The following GPATCH8 variants were observed in gnomAD, a reference collection of about 807,000 sequenced individuals.
GPATCH8 encodes the protein G patch domain-containing protein 8.
A neutral mutation model predicts 118.3 loss-of-function variants in GPATCH8; 18 were observed. That is an observed-to-expected ratio of 0.15 (90% CI 0.11 to 0.23). GPATCH8 has a LOEUF of 0.23. Among genes scored for constraint, GPATCH8 ranks in the 10% least tolerant of loss-of-function variants. GPATCH8 has a pLI of 1.00. For synonymous variants in GPATCH8, 659 were observed against 684.7 expected (o/e 0.96, Z 0.59); for missense variants, 1,631 against 1,873.8 (o/e 0.87, Z 2.39).
At chr17:44,437,016 T>C (rs937791610) in intron 3 of GPATCH8, among the ~76,000 whole-genome samples, 3 of 152,224 alleles carry the variant, frequency 2.0e-5, no homozygotes, top group Admixed American at 2.0e-4. Flanking sequence ...AGTAAAACTT[T>C]ATAATTACAA....
chr17:44,414,792 A>G (rs926250536), intron 6 of GPATCH8, among the ~76,000 whole-genome samples: 2 of 152,144 alleles, frequency 1.3e-5, no homozygotes, highest in Admixed American at 6.6e-5. Context: ...TTCTGTCTCT[A>G]TACATTTGTT....
chr17:44,462,320 T>C (rs1383636706), intron 3 of GPATCH8, among the ~76,000 whole-genome samples: 1 of 152,214 alleles, frequency 6.6e-6, no homozygotes. Flanking sequence ...TCTGACCTTC[T>C]TCTAAAACAA....
intron 3 of GPATCH8, among the ~76,000 whole-genome samples, chr17:44,458,201 T>G (rs1303939642): frequency 6.7e-6 from 1 of 149,078 alleles, no homozygotes; most frequent in Non-Finnish European, 1.5e-5. Context: ...CAGTGAGCTA[T>G]GATTATGCCA....
chr17:44,500,477 T>C (rs965317111), intron 1 of GPATCH8, among the ~76,000 whole-genome samples: 2 of 152,226 alleles, frequency 1.3e-5, no homozygotes, highest in Non-Finnish European at 2.9e-5. Context: ...GGCATACCAC[T>C]GTTAACTATA....
At chr17:44,480,287 TA>T (rs941123520) in intron 1 of GPATCH8, among the ~76,000 whole-genome samples, 3 of 150,816 alleles carry the variant, frequency 2.0e-5, no homozygotes, top group African/African-American at 2.4e-5. Context: ...AAATGGCATT[TA>T]AAAAAAAATG....
rs1251802733 is a variant in GPATCH8, at chr17:44,453,839, CA to C, written c.193+10632del. On this transcript the variant is annotated intron_variant, in intron 3 of 7. Transcript: ENST00000591680. ...TGAGCCATCGTGCCCAGCCTAGTTA[CA>C]GTTTTTAAACTATTCCTGGAGACCT... is the stretch of plus-strand genomic sequence containing the variant. Among the ~76,000 whole-genome samples the C allele has an allele frequency of 2.6e-5, 4 of 152,010 alleles. 1 individual carries two copies. The East Asian group carries it at 7.8e-4, about 30-fold the overall frequency.
intron 3 of GPATCH8, among the ~76,000 whole-genome samples, chr17:44,443,595 C>G (rs2050775257): frequency 6.6e-6 from 1 of 152,168 alleles, no homozygotes; most frequent in South Asian, 2.1e-4. Context: ...TTATCCAGTA[C>G]TACAAAAACC....
At chr17:44,420,031 C>T (rs996744638) in intron 6 of GPATCH8, among the ~76,000 whole-genome samples, 1 of 147,550 alleles carries the variant, frequency 6.8e-6, no homozygotes, top group African/African-American at 2.6e-5. Context: ...CAAACTTGTA[C>T]TACATGGTTT....
Position 44,395,539 on chromosome 17 carries a change from T to C in GPATCH8, c.*2029A>G, listed in dbSNP as rs1567912247. The C allele has an allele frequency of 3.3e-5, 15 of 454,380 alleles. No individual in the cohort carries two copies. The highest frequency in any genetic ancestry group is 6.2e-5 in the Non-Finnish European group (14 of 226,800). The allele number at this position is 454,380 out of a possible 1,614,324, so 28.1% of individuals were successfully genotyped here. On this transcript the variant is annotated 3_prime_UTR_variant, in exon 8 of 8. Coordinates refer to ENST00000591680, the MANE Select transcript of GPATCH8 (RefSeq NM_001002909.4). ...GTTAATACTGTATTATTTATTTACA[T>C]GGGCTGAAAGCAAAGAAAAATGAGT...
chr17:44,503,399 C>T lies in GPATCH8; in HGVS notation c.-29G>A. The T allele has an allele frequency of 1.3e-6, 2 of 1,588,650 alleles. No homozygotes were observed. Among genetic ancestry groups the T allele is most frequent in the Non-Finnish European group, 1.7e-6 (2 of 1,164,990 alleles). Reference sequence around the variant, plus strand: ...GCCGCCTTCACTCCTCTCAGGACGACGCTCTCCGGTTCGCTCCTTCCCTCC... The same window carrying T: ...GCCGCCTTCACTCCTCTCAGGACGATGCTCTCCGGTTCGCTCCTTCCCTCC... On this transcript the variant is annotated 5_prime_UTR_variant, in exon 1 of 8. Transcript: ENST00000591680.
At chr17:44,425,129 GA>G (rs1361745001) in intron 5 of GPATCH8, among the ~76,000 whole-genome samples, 1 of 152,120 alleles carries the variant, frequency 6.6e-6, no homozygotes. Flanking sequence ...AAGGAAAAAA[GA>G]GAAAACAATT....
chr17:44,492,297 C>CCAA (rs1969307351), intron 1 of GPATCH8, among the ~76,000 whole-genome samples: 1 of 76,242 alleles, frequency 1.3e-5, no homozygotes, highest in African/African-American at 5.3e-5. Context: ...TGAGACGTCT[C>CCAA]AAAAAAAAAA....
At chr17:44,453,500 G>GGTGTGTGTGTGTGTGTGTGT (rs56962134) in intron 3 of GPATCH8, among the ~76,000 whole-genome samples, 79 of 142,758 alleles carry the variant, frequency 5.5e-4, no homozygotes, top group African/African-American at 2.0e-3. Flanking sequence ...GGTAGGTAGG[G>GGTGTGTGTGTGTGTGTGTGT]GTGTGTGTGT....
chr17:44,478,065 A>C (rs1175617279), intron 1 of GPATCH8, among the ~76,000 whole-genome samples: 1 of 152,090 alleles, frequency 6.6e-6, no homozygotes, highest in African/African-American at 2.4e-5. Context: ...ACCTCAAGTG[A>C]TCTGCCCGCC....
chr17:44,417,416 G>A (rs1432023631), intron 6 of GPATCH8, among the ~76,000 whole-genome samples: 1 of 152,068 alleles, frequency 6.6e-6, no homozygotes, highest in Non-Finnish European at 1.5e-5. Flanking sequence ...ACCGGGTTTT[G>A]CCATGTTGCC....
At chr17:44,486,415 G>A (rs1301554711) in intron 1 of GPATCH8, 1 of 152,080 alleles carries the variant, frequency 6.6e-6, no homozygotes, top group Non-Finnish European at 1.5e-5. Flanking sequence ...GCCCATTAAG[G>A]GCATTTTTTT....
In GPATCH8 at chr17:44,503,397, G is replaced by A. The variant is rs769108588; in HGVS notation, c.-27C>T. ...TTGCCGCCTTCACTCCTCTCAGGAC[G>A]ACGCTCTCCGGTTCGCTCCTTCCCT... On this transcript the variant is annotated 5_prime_UTR_variant, in exon 1 of 8. Coordinates refer to ENST00000591680, the MANE Select transcript of GPATCH8 (RefSeq NM_001002909.4). The A allele has an allele frequency of 5.7e-5, 90 of 1,589,432 alleles. No individual in the cohort carries two copies. The highest frequency in any genetic ancestry group is 9.1e-5 in the East Asian group (4 of 43,922).
chr17:44,411,791 G>T (rs1299588378), intron 6 of GPATCH8, among the ~76,000 whole-genome samples: 2 of 152,172 alleles, frequency 1.3e-5, no homozygotes, highest in Non-Finnish European at 2.9e-5. Context: ...ACACAAAAGA[G>T]ATGCGCAGTA....
At chr17:44,487,446 TAAAG>T in intron 1 of GPATCH8, among the ~76,000 whole-genome samples, 1 of 152,322 alleles carries the variant, frequency 6.6e-6, no homozygotes, top group Middle Eastern at 3.4e-3. Flanking sequence ...CAATTACAAA[TAAAG>T]AATGCTATAA....
Sources: gnomAD v4.1 joint callset for allele counts (sites outside exome capture counted in the v4.1 genomes callset) on GRCh38, gnomAD v4.1.1 for gene constraint, MANE v1.5 for transcripts, NCBI Gene and HGNC (gene_info 2026-07-23, HGNC 2026-07-21) for gene names.